Variants in PIEZO2 observed in about 807,000 individuals in gnomAD.
PIEZO2 encodes the protein piezo-type mechanosensitive ion channel component 2.
Under a neutral mutation model 337.3 loss-of-function variants are expected in PIEZO2, and 172 were observed. That is an observed-to-expected ratio of 0.51 (90% CI 0.45 to 0.58). The LOEUF is 0.58. Ranked by LOEUF, PIEZO2 falls within the 20% of genes least tolerant of loss-of-function variation. The pLI is 0.00. For synonymous variants in PIEZO2, 1,251 were observed against 1,228.5 expected (o/e 1.02, Z -0.38); for missense variants, 3,028 against 3,391.3 (o/e 0.89, Z 2.66).
rs542816197 is a variant in PIEZO2 at position 10,813,990 on chromosome 18, T to C, written c.918-6716A>G. ...CCATATATTTTTTTTTTTTTTGAGATGGAGTTTTGCTCTGTGGCCCAGGCT... is the reference window on the plus strand; with the variant it reads ...CCATATATTTTTTTTTTTTTTGAGACGGAGTTTTGCTCTGTGGCCCAGGCT... On this transcript the variant is annotated intron_variant, in intron 7 of 55. Coordinates refer to ENST00000674853, the MANE Select transcript of PIEZO2 (RefSeq NM_001378183.1). The surrounding 1 kb of genome is among the most constrained non-coding windows in gnomAD (Gnocchi z 4.2). Among the ~76,000 whole-genome samples, 25 of 151,346 alleles carry C rather than the reference T, an allele frequency of 1.7e-4. No individual in the cohort carries two copies. The East Asian group carries it at 4.7e-3, about 28-fold the overall frequency.
intron 5 of PIEZO2, among the ~76,000 whole-genome samples, chr18:10,867,577 G>A (rs12458755): frequency 0.35 from 52,396 of 151,856 alleles, 9,102 homozygotes; most frequent in South Asian, 0.37. Flanking sequence ...CTTTACACAG[G>A]CTAAGTCATA....
In PIEZO2 at chr18:10,757,913, T is replaced by C. The variant is rs555531227; in HGVS notation, c.3923+56A>G. ...TAGCAGAGAAAGTATAGAGGAGCAA[T>C]GTAATGGAAATGCACACATCAAAGT... On this transcript the variant is annotated intron_variant, in intron 27 of 55. Transcript: ENST00000674853. The C allele has an allele frequency of 3.5e-6, 5 of 1,426,060 alleles. No homozygotes were observed. The South Asian group carries it at 4.1e-5, about 12-fold the overall frequency. 88.3% of individuals were successfully genotyped at this position (1,426,060 alleles called of 1,614,324 possible).
At position 10,717,351 on chromosome 18, in the gene PIEZO2, C is replaced by T. The variant is rs113524234; in HGVS notation, c.5089+849G>A. Among the ~76,000 whole-genome samples, 5 of 152,222 alleles carry T rather than the reference C, an allele frequency of 3.3e-5. No individual in the cohort carries two copies. In the East Asian group the frequency reaches 7.7e-4, roughly 24 times the overall value. On this transcript the variant is annotated intron_variant, in intron 37 of 55. Transcript: ENST00000674853. ...GGAAGACTGGGTTTGAGGACTGGCACGGTGGAGGGCATTAGGTGGCCTTCC... is the reference window on the plus strand; with the variant it reads ...GGAAGACTGGGTTTGAGGACTGGCATGGTGGAGGGCATTAGGTGGCCTTCC...
rs1200262133 is a variant in PIEZO2, at chr18:10,980,329, C to A, written c.161-669G>T. Among the ~76,000 whole-genome samples the A allele has an allele frequency of 6.6e-6, 1 of 151,726 alleles. No individual in the cohort carries two copies. Among genetic ancestry groups the A allele is most frequent in the African/African-American group, 2.4e-5 (1 of 41,294 alleles). ...CACCAAAGAAATGTTTCATAAAGTT[C>A]AAAACCTAGTTATAATTTTTAAAAA... On this transcript the variant is annotated intron_variant, in intron 2 of 55. Transcript: ENST00000674853. The surrounding 1 kb of genome is among the most constrained non-coding windows in gnomAD (Gnocchi z 4.8).
chr18:10,757,060 T>C (rs943577105), intron 27 of PIEZO2, among the ~76,000 whole-genome samples: 2 of 107,986 alleles, frequency 1.9e-5, no homozygotes, highest in African/African-American at 8.3e-5. Flanking sequence ...TATGGGGATG[T>C]GGTTGAAGGA....
chr18:10,780,741 C>G (rs1389358956), intron 17 of PIEZO2, among the ~76,000 whole-genome samples: 2 of 146,990 alleles, frequency 1.4e-5, no homozygotes, highest in Non-Finnish European at 3.0e-5. Flanking sequence ...TAGCTCATGG[C>G]AGCCTCCGCC....
At chr18:10,826,710 G>T (rs533105763) in intron 7 of PIEZO2, among the ~76,000 whole-genome samples, 6 of 152,284 alleles carry the variant, frequency 3.9e-5, no homozygotes, top group Non-Finnish European at 5.9e-5. Flanking sequence ...TAATTGGTTA[G>T]TTTTTAATTT....
In PIEZO2 at chr18:10,857,191, A is replaced by C. The variant is rs1195161101; in HGVS notation, c.513T>G (p.Asp171Glu). 2 of 1,537,666 alleles carry C rather than the reference A, an allele frequency of 1.3e-6. No individual in the cohort carries two copies. Among genetic ancestry groups the C allele is most frequent in the South Asian group, 2.4e-5 (2 of 84,066 alleles). The part of the protein sequence containing the change: ...NEELAEGEKI[D>E]SEEALIYEED... ...CTTCATAGATCAGTGCCTCTTCTGA[A>C]TCAATTTTTTCTCCTTCAGCCTAAA... Residue 171 changes from aspartate (D) to glutamate (E), a missense_variant, in exon 6 of 56, where the codon GAT (aspartate) becomes GAG (glutamate). Around this residue, in one of 5 missense-constraint regions of PIEZO2, gnomAD observed 542 missense variants for 605.6 expected, o/e 0.89. Transcript: ENST00000674853.
rs139093256 is a variant in PIEZO2, at chr18:10,854,332, G to T, written c.917+1021C>A. 1.3e-5 allele frequency among the ~76,000 whole-genome samples: 2 copies of T among 152,128 alleles called. No homozygotes were observed. The highest frequency in any genetic ancestry group is 4.1e-4 in the South Asian group (2 of 4,824). ...AAGATATTGATCACACCTTTGGAAA[G>T]ATGTTATTTTTTTTCTTTGCAATTA... On this transcript the variant is annotated intron_variant, in intron 7 of 55. Coordinates refer to ENST00000674853, the MANE Select transcript of PIEZO2 (RefSeq NM_001378183.1). The surrounding 1 kb of genome is among the most constrained non-coding windows in gnomAD (Gnocchi z 4.6).
intron 8 of PIEZO2, among the ~76,000 whole-genome samples, chr18:10,805,411 G>A (rs57977315): frequency 0.26 from 38,843 of 152,046 alleles, 5,250 homozygotes; most frequent in East Asian, 0.35. Flanking sequence ...AGCTACTCAG[G>A]AGGCTGAGGC....
intron 41 of PIEZO2, among the ~76,000 whole-genome samples, chr18:10,704,987 G>A (rs112589577): frequency 0.02 from 3,100 of 152,226 alleles, 45 homozygotes; most frequent in Non-Finnish European, 0.03. Flanking sequence ...CACTGCGCCC[G>A]GCCATGCCTT....
At chr18:10,881,954 C>A (rs1186799318) in intron 4 of PIEZO2, among the ~76,000 whole-genome samples, 5 of 152,166 alleles carry the variant, frequency 3.3e-5, no homozygotes, top group Middle Eastern at 6.3e-3. Flanking sequence ...GGCTCCTCAT[C>A]ATCCCAGGAC....
chr18:11,061,262 A>G (rs1273923037), intron 2 of PIEZO2, among the ~76,000 whole-genome samples: 1 of 151,736 alleles, frequency 6.6e-6, no homozygotes, highest in African/African-American at 2.4e-5. Flanking sequence ...ATCTCAAAAT[A>G]ATAAGAGCTA....
In PIEZO2 at chr18:10,677,880, G is replaced by T; in HGVS notation, c.7953-5C>A. 1.3e-6 allele frequency: 2 copies of T among 1,524,844 alleles called. No homozygotes were observed. Among genetic ancestry groups the T allele is most frequent in the South Asian group, 1.2e-5 (1 of 82,088 alleles). The allele number at this position is 1,524,844 out of a possible 1,614,324, so 94.5% of individuals were successfully genotyped here. On this transcript the variant is annotated splice_polypyrimidine_tract_variant and splice_region_variant and intron_variant, in intron 52 of 55. Transcript: ENST00000674853. The surrounding 1 kb of genome is among the most constrained non-coding windows in gnomAD (Gnocchi z 4.1). ...TTTGCACCCAGACTTAAGTTTCTGTGAAGAAAAAAAAAAAGCTTAATGTCA... is the reference window on the plus strand; with the variant it reads ...TTTGCACCCAGACTTAAGTTTCTGTTAAGAAAAAAAAAAAGCTTAATGTCA...
At position 10,794,318 on chromosome 18, in the gene PIEZO2, CT is replaced by C. The variant is rs1344721830; in HGVS notation, c.1758+453del. 6.6e-6 allele frequency among the ~76,000 whole-genome samples: 1 copy of C among 152,100 alleles called. No homozygotes were observed. On this transcript the variant is annotated intron_variant, in intron 13 of 55. Transcript: ENST00000674853. The surrounding 1 kb of genome is among the most constrained non-coding windows in gnomAD (Gnocchi z 6.6). ...CAGCAAGTGTCATACTTCATTTTTG[CT>C]GCTAAAAATGTTCTTTAGGAAAGAA...
In PIEZO2 at chr18:10,707,363, CG is replaced by C. The variant is rs1232665791; in HGVS notation, c.5588+911del. Among the ~76,000 whole-genome samples, 5 of 152,038 alleles carry C rather than the reference CG, an allele frequency of 3.3e-5. No homozygotes were observed. The highest frequency in any genetic ancestry group is 1.2e-4 in the African/African-American group (5 of 41,388). On this transcript the variant is annotated intron_variant, in intron 40 of 55. Coordinates refer to ENST00000674853, the MANE Select transcript of PIEZO2 (RefSeq NM_001378183.1). The surrounding 1 kb of genome is among the most constrained non-coding windows in gnomAD (Gnocchi z 4.2). Reference sequence around the variant, plus strand: ...TGGACTGGCATGGCAGGCACATGCCCGCCAGAGGACTTTGTCAAATGGCCAA... The same window carrying C: ...TGGACTGGCATGGCAGGCACATGCCCCCAGAGGACTTTGTCAAATGGCCAA...
chr18:11,011,523 G>T (rs2035901017), intron 2 of PIEZO2, among the ~76,000 whole-genome samples: 1 of 152,076 alleles, frequency 6.6e-6, no homozygotes, highest in Admixed American at 6.5e-5. Flanking sequence ...ATTACCTCAT[G>T]CAGTGTTCAT....
chr18:10,977,301 C>CATAT lies in PIEZO2; in HGVS notation c.286+2230_286+2233dup, dbSNP rs111865766. On this transcript the variant is annotated intron_variant, in intron 3 of 55. Transcript: ENST00000674853. ...TTTTTTTGCAGACATGAATAAGTTA[C>CATAT]ATATATATATATATATATAAACTCA... 1.2e-3 allele frequency among the ~76,000 whole-genome samples: 181 copies of CATAT among 145,712 alleles called. 1 individual carries two copies. The highest frequency in any genetic ancestry group is 3.3e-3 in the African/African-American group (133 of 40,034).
chr18:11,023,404 A>G (rs975308212), intron 2 of PIEZO2, among the ~76,000 whole-genome samples: 5 of 152,202 alleles, frequency 3.3e-5, no homozygotes, highest in Non-Finnish European at 7.3e-5. Context: ...TCCCCACCAG[A>G]GTAGCTAGAT....
Sources: gnomAD v4.1 joint callset for allele counts (sites outside exome capture counted in the v4.1 genomes callset) on GRCh38, gnomAD v4.1.1 for gene constraint, gnomAD v4.1.1 regional missense constraint, Gnocchi (gnomAD v3.1) non-coding constraint, MANE v1.5 for transcripts, NCBI Gene and HGNC (gene_info 2026-07-23, HGNC 2026-07-21) for gene names.